NF1: variants seen among roughly 807,000 people sequenced by gnomAD.
NF1 encodes the protein neurofibromin 1, also known as neurofibromin.
In NF1, 122 loss-of-function variants were observed where a neutral mutation model predicts 325.7. The ratio of observed to expected loss-of-function variants is 0.37; its 90% CI spans 0.32 to 0.44. The LOEUF is 0.44. NF1 is among the 20% of genes least tolerant of loss of function. The pLI, the probability that NF1 is intolerant of heterozygous loss-of-function variation, is 1.00. For synonymous variants in NF1, 1,091 were observed against 1,186.0 expected (o/e 0.92, Z 1.65); for missense variants, 2,140 against 3,415.4 (o/e 0.63, Z 9.31).
At chr17:31,219,140 T>C in intron 14 of NF1, 22 bp downstream of exon 14, 2 of 1,606,728 alleles carry the variant, frequency 1.2e-6, no homozygotes, top group Non-Finnish European at 1.7e-6. Flanking sequence ...ATGAATTCCA[T>C]GTTCTTGAAG....
At chr17:31,337,733 C>A in intron 43 of NF1, 86 bp from the exon 44 acceptor site, 2 of 1,461,076 alleles carry the variant, frequency 1.4e-6, no homozygotes, top group Non-Finnish European at 9.5e-7. Context: ...GGTAACAGGT[C>A]ACTTAATGAC....
Position 31,225,089 on chromosome 17 carries a change from T to G in NF1, c.1846-6T>G. On this transcript the variant is annotated splice_region_variant and splice_polypyrimidine_tract_variant and intron_variant, in intron 16 of 57. Transcript: ENST00000358273. The stretch of plus-strand genomic sequence containing the variant: ...CAGTAAAGCTTATTTATTTATTTTT[T>G]TCTAGCAGGCAGATAGAAGTTCCTG... 6.2e-7 allele frequency: 1 copy of G among 1,613,376 alleles called. No homozygotes were observed. The highest frequency in any genetic ancestry group is 8.5e-7 in the Non-Finnish European group (1 of 1,179,568).
intron 36 of NF1, among the ~76,000 whole-genome samples, chr17:31,292,067 G>A (rs941973363): frequency 6.6e-6 from 1 of 152,190 alleles, no homozygotes; most frequent in Admixed American, 6.6e-5. Flanking sequence ...AAAAACCACT[G>A]TAAGTTCTGC....
At chr17:31,230,055 A>C in intron 22 of NF1, 81 bp downstream of exon 22, 1 of 1,553,378 alleles carries the variant, frequency 6.4e-7, no homozygotes, top group Non-Finnish European at 8.9e-7. Flanking sequence ...GTAGTAATTG[A>C]TAAAATAACT....
chr17:31,240,318 A>C (rs899676677), intron 29 of NF1, among the ~76,000 whole-genome samples: 2 of 152,052 alleles, frequency 1.3e-5, no homozygotes, highest in African/African-American at 4.8e-5. Context: ...TTCCACAAAT[A>C]AGAGAGCGCA....
At chr17:31,332,356 C>T (rs2069523715) in intron 39 of NF1, among the ~76,000 whole-genome samples, 1 of 151,700 alleles carries the variant, frequency 6.6e-6, no homozygotes, top group Non-Finnish European at 1.5e-5. Flanking sequence ...CCCAGCTACT[C>T]AGGAGGCTGA....
rs895770234 is a variant in NF1, at chr17:31,179,926, C to T, written c.587-1496C>T. Among the ~76,000 whole-genome samples, 7 of 152,154 alleles carry T rather than the reference C, an allele frequency of 4.6e-5. No individual in the cohort carries two copies. In the East Asian group the frequency reaches 7.7e-4, roughly 17 times the overall value. On this transcript the variant is annotated intron_variant, in intron 5 of 57. Transcript: ENST00000358273. ...AAAATGATAAAAGGGATATCACCAC[C>T]GATCCCACAGAAATACAAACTACCA...
At chr17:31,174,883 G>A (rs1224750275) in intron 5 of NF1, among the ~76,000 whole-genome samples, 4 of 152,064 alleles carry the variant, frequency 2.6e-5, no homozygotes, top group African/African-American at 4.8e-5. Context: ...GGCCTACGTG[G>A]GCGGATCATG....
At chr17:31,185,504 A>T (rs1254102576) in intron 8 of NF1, among the ~76,000 whole-genome samples, 1 of 152,166 alleles carries the variant, frequency 6.6e-6, no homozygotes, top group Non-Finnish European at 1.5e-5. Flanking sequence ...AGTAAAACTT[A>T]GGGACCTTCT....
intron 24 of NF1, 79 bp downstream of exon 24, chr17:31,231,004 T>C (rs2067104879): frequency 3.6e-6 from 4 of 1,115,054 alleles, no homozygotes; most frequent in Non-Finnish European, 5.3e-6. Context: ...TTTATACTTG[T>C]ATTTTGTGTG....
intron 4 of NF1, among the ~76,000 whole-genome samples, chr17:31,167,960 A>T (rs1003902341): frequency 1.3e-5 from 2 of 152,180 alleles, no homozygotes; most frequent in African/African-American, 4.8e-5. Flanking sequence ...AAGTGCAATG[A>T]AAAAAGGCTT....
intron 35 of NF1, among the ~76,000 whole-genome samples, chr17:31,264,620 G>T (rs1168640395): frequency 6.6e-6 from 1 of 152,144 alleles, no homozygotes; most frequent in African/African-American, 2.4e-5. Flanking sequence ...AAAGGCTAAT[G>T]GATGTATGTT....
At chr17:31,262,734 T>A (rs1417924170) in intron 35 of NF1, among the ~76,000 whole-genome samples, 1 of 152,210 alleles carries the variant, frequency 6.6e-6, no homozygotes, top group Non-Finnish European at 1.5e-5. Flanking sequence ...TAAGAATGTA[T>A]GGGTATATAG....
At chr17:31,318,388 A>T (rs759197449) in intron 36 of NF1, 25 of 1,613,964 alleles carry the variant, frequency 1.5e-5, no homozygotes, top group Non-Finnish European at 2.1e-5. Flanking sequence ...AGTAGATTGC[A>T]TCACTAGGTT....
At chr17:31,320,957 C>T (rs2069170958) in intron 36 of NF1, 1 of 152,296 alleles carries the variant, frequency 6.6e-6, no homozygotes, top group African/African-American at 2.4e-5. Context: ...CAGTGCTTAC[C>T]ACGGAACAGA....
chr17:31,326,091 A>C lies in NF1; in HGVS notation c.5107A>C (p.Ser1703Arg). ...HERLLTGLKG[S>R]KRLVFIDCPG... ...GCGGCTGCTGACTGGCCTCAAAGGT[A>C]GCAAAAGGCTTGTTTTCATAGACTG... The change falls in exon 37 of 58, where the codon AGC (serine) becomes CGC (arginine). Residue 1703 changes from serine to arginine, a missense_variant. Ser to Arg is a moderately radical substitution (Grantham distance 110, BLOSUM62 -1). Around this residue, in one of 10 missense-constraint regions of NF1, gnomAD observed 147 missense variants for 186.7 expected, o/e 0.79. Coordinates refer to ENST00000358273, the MANE Select transcript of NF1 (RefSeq NM_001042492.3). 6.2e-7 allele frequency: 1 copy of C among 1,613,768 alleles called. No individual in the cohort carries two copies. Among genetic ancestry groups the C allele is most frequent in the Non-Finnish European group, 8.5e-7 (1 of 1,179,740 alleles).
chr17:31,107,963 A>G (rs1444247382), intron 1 of NF1, among the ~76,000 whole-genome samples: 3 of 151,936 alleles, frequency 2.0e-5, no homozygotes, highest in Non-Finnish European at 4.4e-5. Context: ...CACAGCTAGT[A>G]TGCACAAAAA....
chr17:31,294,328 T>C (rs2068414723), intron 36 of NF1, among the ~76,000 whole-genome samples: 1 of 152,218 alleles, frequency 6.6e-6, no homozygotes, highest in South Asian at 2.1e-4. Context: ...CGTTAAACTT[T>C]TCTTATTAAA....
In NF1 at chr17:31,337,543, C is replaced by G. The variant is rs2151556530; in HGVS notation, c.6603C>G (p.Ser2201=). ...AGAGAGAGACTTTTGCTTTGACATCCTTGGAAACAGTCACAGAAGCTTTGT... is the reference window on the plus strand; with the variant it reads ...AGAGAGAGACTTTTGCTTTGACATCGTTGGAAACAGTCACAGAAGCTTTGT... ...SYERETFALT[S]LETVTEALLE... The change falls in exon 43 of 58, where the codon TCC becomes TCG. Residue 2201 remains serine (S), a synonymous_variant. Transcript: ENST00000358273. 1 of 1,614,044 alleles carries G rather than the reference C, an allele frequency of 6.2e-7. No individual in the cohort carries two copies. The highest frequency in any genetic ancestry group is 8.5e-7 in the Non-Finnish European group (1 of 1,179,956).
Sources: allele counts gnomAD v4.1 joint callset (sites outside exome capture counted in the v4.1 genomes callset), GRCh38; gene constraint gnomAD v4.1.1; regional missense constraint gnomAD v4.1.1; transcripts MANE v1.5; gene names NCBI Gene and HGNC (gene_info 2026-07-23, HGNC 2026-07-21).